MAGI1: variants seen among roughly 807,000 people sequenced by gnomAD.
MAGI1 encodes the protein membrane associated guanylate kinase, WW and PDZ domain containing 1.
A neutral mutation model predicts 139.9 loss-of-function variants in MAGI1; 58 were observed. That is an observed-to-expected ratio of 0.41 (90% CI 0.34 to 0.52). MAGI1 has a LOEUF of 0.52. MAGI1 is among the 20% of genes least tolerant of loss of function. The pLI is 0.12. For synonymous variants in MAGI1, 812 were observed against 737.9 expected (o/e 1.10, Z -1.63); for missense variants, 1,874 against 1,901.6 (o/e 0.99, Z 0.27).
At chr3:65,797,134 G>GA (rs2040197734) in intron 1 of MAGI1, among the ~76,000 whole-genome samples, 1 of 151,968 alleles carries the variant, frequency 6.6e-6, no homozygotes, top group Admixed American at 6.6e-5. Flanking sequence ...TAAGTGTTTG[G>GA]AAAAAAATAT....
chr3:65,838,171 G>A (rs1389617113), intron 1 of MAGI1, among the ~76,000 whole-genome samples: 2 of 152,140 alleles, frequency 1.3e-5, no homozygotes, highest in Non-Finnish European at 2.9e-5. Flanking sequence ...AATTAGCTGG[G>A]TGTGGTGGCG....
chr3:65,974,828 C>T (rs1260112229), intron 1 of MAGI1, among the ~76,000 whole-genome samples: 4 of 152,118 alleles, frequency 2.6e-5, no homozygotes, highest in African/African-American at 4.8e-5. Flanking sequence ...TTTTTATAAC[C>T]TTATCCTGGA....
intron 2 of MAGI1, among the ~76,000 whole-genome samples, chr3:65,555,339 C>T (rs1374997433): frequency 1.3e-5 from 2 of 152,090 alleles, no homozygotes; most frequent in Non-Finnish European, 2.9e-5. Context: ...TGAGGCCATG[C>T]TTTATAAGTC....
chr3:65,548,812 C>A (rs1031430967), intron 2 of MAGI1, among the ~76,000 whole-genome samples: 21 of 152,180 alleles, frequency 1.4e-4, no homozygotes, highest in African/African-American at 4.8e-4. Flanking sequence ...TGTAAGCCAC[C>A]GCTCCCGGCT....
At chr3:65,984,803 G>A (rs764465772) in intron 1 of MAGI1, among the ~76,000 whole-genome samples, 18 of 148,310 alleles carry the variant, frequency 1.2e-4, no homozygotes, top group Admixed American at 2.1e-4. Flanking sequence ...CAGCCTCAAC[G>A]TCCCAAAGTG....
intron 1 of MAGI1, among the ~76,000 whole-genome samples, chr3:65,884,321 T>C (rs1369922350): frequency 6.6e-6 from 1 of 152,214 alleles, no homozygotes; most frequent in Non-Finnish European, 1.5e-5. Context: ...GGTATCCAAG[T>C]GCAGACTCAT....
intron 5 of MAGI1, among the ~76,000 whole-genome samples, chr3:65,465,289 A>G (rs1950096325): frequency 6.6e-6 from 1 of 151,346 alleles, no homozygotes; most frequent in South Asian, 2.1e-4. Flanking sequence ...TTATTTATCT[A>G]TAGTTTTACT....
chr3:65,944,087 T>C (rs2063446470), intron 1 of MAGI1, among the ~76,000 whole-genome samples: 1 of 152,236 alleles, frequency 6.6e-6, no homozygotes, highest in African/African-American at 2.4e-5. Context: ...CTAACTCAAG[T>C]AGCTGTTTAA....
intron 1 of MAGI1, among the ~76,000 whole-genome samples, chr3:66,023,326 T>TA (rs1204613920): frequency 1.3e-5 from 2 of 152,288 alleles, no homozygotes; most frequent in South Asian, 4.1e-4. Context: ...GCATTGGACT[T>TA]TTGCTGACAA....
chr3:65,597,381 G>A (rs1310491327), intron 2 of MAGI1, among the ~76,000 whole-genome samples: 1 of 151,704 alleles, frequency 6.6e-6, no homozygotes, highest in Non-Finnish European at 1.5e-5. Flanking sequence ...GCAATGCGGA[G>A]GAGGCAATAC....
intron 22 of MAGI1, chr3:65,359,371 G>C: frequency 2.2e-6 from 3 of 1,356,954 alleles, no homozygotes; most frequent in Non-Finnish European, 1.9e-6. Flanking sequence ...GACATTTTTA[G>C]ACAGCCATAA....
intron 1 of MAGI1, among the ~76,000 whole-genome samples, chr3:65,741,404 G>A (rs913711037): frequency 1.3e-5 from 2 of 152,150 alleles, no homozygotes; most frequent in Non-Finnish European, 2.9e-5. Flanking sequence ...TCAGTCTCCT[G>A]ACCTCCTGAT....
In MAGI1 at chr3:65,543,055, G is replaced by GA. The variant is rs915941095; in HGVS notation, c.431-49425dup. 1.5e-3 allele frequency among the ~76,000 whole-genome samples: 214 copies of GA among 144,594 alleles called. 1 individual carries two copies. Among genetic ancestry groups the GA allele is most frequent in the African/African-American group, 4.7e-3 (187 of 39,534 alleles). The allele number at this position is 144,594 out of a possible 152,430, so 94.9% of individuals were successfully genotyped here. On this transcript the variant is annotated intron_variant, in intron 2 of 22. Transcript: ENST00000402939. ...ACAAGGAACTTAAACAAATTTATAA[G>GA]AAAAAAAAAACAAACAACCCCATCA...
At chr3:65,802,296 C>G (rs2040563611) in intron 1 of MAGI1, among the ~76,000 whole-genome samples, 2 of 152,112 alleles carry the variant, frequency 1.3e-5, no homozygotes, top group Non-Finnish European at 2.9e-5. Context: ...AAGGTCTGAA[C>G]AAAATGGTTA....
intron 1 of MAGI1, among the ~76,000 whole-genome samples, chr3:65,944,319 C>T (rs2106872621): frequency 6.6e-6 from 1 of 152,098 alleles, no homozygotes; most frequent in East Asian, 1.9e-4. Context: ...TCAAGACCAG[C>T]CTGGGCAACA....
chr3:66,008,463 G>T (rs2067147308), intron 1 of MAGI1, among the ~76,000 whole-genome samples: 1 of 152,164 alleles, frequency 6.6e-6, no homozygotes, highest in African/African-American at 2.4e-5. Flanking sequence ...TACCTGGCAG[G>T]CACAGCAATG....
chr3:65,502,699 G>A (rs899525669), intron 2 of MAGI1, among the ~76,000 whole-genome samples: 21 of 152,146 alleles, frequency 1.4e-4, no homozygotes, highest in African/African-American at 1.9e-4. Flanking sequence ...ATTCCATCAC[G>A]AGAATCTGAC....
At chr3:65,969,678 C>T (rs1173223027) in intron 1 of MAGI1, among the ~76,000 whole-genome samples, 1 of 152,160 alleles carries the variant, frequency 6.6e-6, no homozygotes, top group Non-Finnish European at 1.5e-5. Context: ...TTTCCCTAAA[C>T]CCTCTAAGTC....
intron 22 of MAGI1, chr3:65,360,309 T>C: frequency 2.0e-6 from 2 of 984,426 alleles, no homozygotes; most frequent in Non-Finnish European, 2.4e-6. Context: ...TGGTAGACCT[T>C]TGGTTGGGAA....
Sources: allele counts gnomAD v4.1 joint callset (sites outside exome capture counted in the v4.1 genomes callset), GRCh38; gene constraint gnomAD v4.1.1; transcripts MANE v1.5; gene names NCBI Gene and HGNC (gene_info 2026-07-23, HGNC 2026-07-21).